Variants in DPYD observed in about 807,000 individuals in gnomAD.
DPYD encodes the protein dihydropyrimidine dehydrogenase.
A neutral mutation model predicts 116.2 loss-of-function variants in DPYD; 109 were observed. That is an observed-to-expected ratio of 0.94 (90% confidence interval 0.80 to 1.10). The LOEUF is 1.10. Ranked by LOEUF, DPYD falls within the 50% of genes least tolerant of loss-of-function variation. The pLI, the probability that DPYD is intolerant of heterozygous loss-of-function variation, is 0.00. For synonymous variants in DPYD, 440 were observed against 432.0 expected, an observed-to-expected ratio of 1.02 and a Z score of -0.23; for missense variants, 1,302 against 1,254.5, an observed-to-expected ratio of 1.04 and a Z score of -0.57.
intron 2 of DPYD, among the ~76,000 whole-genome samples, chr1:97,860,524 C>T (rs1312055590): frequency 6.6e-6 from 1 of 152,128 alleles, no homozygotes; most frequent in East Asian, 1.9e-4. Flanking sequence ...GAGAATTATG[C>T]ACAAAGTAAA....
At chr1:97,671,705 AATT>A (rs1437441039) in intron 8 of DPYD, among the ~76,000 whole-genome samples, 9 of 152,076 alleles carry the variant, frequency 5.9e-5, no homozygotes, top group Non-Finnish European at 1.3e-4. Flanking sequence ...AATGTGCTGA[AATT>A]ATGCAATTCA....
chr1:97,858,809 T>C (rs1400595448), intron 2 of DPYD, among the ~76,000 whole-genome samples: 1 of 152,192 alleles, frequency 6.6e-6, no homozygotes, highest in Non-Finnish European at 1.5e-5. Context: ...ACAATTTTAA[T>C]AGTAGTCATA....
chr1:97,078,700 A>G lies in DPYD; in HGVS notation c.*276T>C, dbSNP rs1648952425. On this transcript the variant is annotated 3_prime_UTR_variant, in exon 23 of 23. Transcript: ENST00000370192. ...TGCCACAAAAAAGTTAATTTTTCAC[A>G]TAAGACAACTGGCAGTGAACATCCA... 2.3e-6 allele frequency: 1 copy of G among 430,548 alleles called. No homozygotes were observed. The highest frequency in any genetic ancestry group is 2.2e-5 in the South Asian group (1 of 44,496). The allele number at this position is 430,548 out of a possible 1,614,324, so 26.7% of individuals were successfully genotyped here. A position where few individuals can be genotyped will look rare whatever the true frequency, so the allele number is the denominator to read the frequency against.
At chr1:97,611,412 C>T (rs763651730) in intron 8 of DPYD, among the ~76,000 whole-genome samples, 1 of 151,780 alleles carries the variant, frequency 6.6e-6, no homozygotes, top group Non-Finnish European at 1.5e-5. Context: ...GGTGATAAAC[C>T]GTATCAGTGA....
chr1:97,740,933 C>T (rs74105295), intron 3 of DPYD, among the ~76,000 whole-genome samples: 15,910 of 152,174 alleles, frequency 0.1, 927 homozygotes, highest in African/African-American at 0.14. Context: ...CTTCCTTCCT[C>T]CCAGCTTCCC....
intron 12 of DPYD, chr1:97,546,259 A>C: frequency 6.7e-7 from 1 of 1,489,968 alleles, no homozygotes. Flanking sequence ...GCTAAATCAA[A>C]AAAAAAGAAA....
chr1:97,848,842 A>G (rs1179453006), intron 2 of DPYD, among the ~76,000 whole-genome samples: 2 of 152,216 alleles, frequency 1.3e-5, no homozygotes, highest in East Asian at 3.8e-4. Flanking sequence ...TGTGTATTAT[A>G]AGGAGATTAG....
chr1:97,566,216 C>T (rs184138241), intron 11 of DPYD, among the ~76,000 whole-genome samples: 7 of 152,106 alleles, frequency 4.6e-5, no homozygotes, highest in Admixed American at 1.3e-4. Context: ...TCTGAGCCTC[C>T]CCTGTTAAAA....
At chr1:97,490,705 G>A (rs1389595728) in intron 13 of DPYD, among the ~76,000 whole-genome samples, 2 of 151,128 alleles carry the variant, frequency 1.3e-5, no homozygotes, top group Non-Finnish European at 3.0e-5. Flanking sequence ...TAACATGAGT[G>A]GACAAGTCTA....
chr1:97,252,333 C>G (rs1162682310), intron 18 of DPYD, among the ~76,000 whole-genome samples: 1 of 152,166 alleles, frequency 6.6e-6, no homozygotes, highest in African/African-American at 2.4e-5. Flanking sequence ...GAAGAGGAGA[C>G]AGCCTATTGT....
chr1:97,196,915 G>A (rs1570648635), intron 19 of DPYD, among the ~76,000 whole-genome samples: 1 of 152,108 alleles, frequency 6.6e-6, no homozygotes, highest in Non-Finnish European at 1.5e-5. Context: ...CTGAAATATA[G>A]CTCTGGTTTT....
intron 3 of DPYD, among the ~76,000 whole-genome samples, chr1:97,798,247 T>C (rs1225006895): frequency 2.0e-5 from 3 of 152,084 alleles, no homozygotes; most frequent in Admixed American, 2.0e-4. Flanking sequence ...TCCTAATTCA[T>C]ATGTCTGGAT....
intron 20 of DPYD, among the ~76,000 whole-genome samples, chr1:97,120,863 GT>G (rs1652374072): frequency 6.6e-6 from 1 of 152,192 alleles, no homozygotes; most frequent in African/African-American, 2.4e-5. Context: ...TGCTAAAGAT[GT>G]TTGTGAAACT....
intron 5 of DPYD, among the ~76,000 whole-genome samples, chr1:97,706,702 T>C (rs1661976410): frequency 6.6e-6 from 1 of 152,134 alleles, no homozygotes; most frequent in Non-Finnish European, 1.5e-5. Flanking sequence ...ATAGCTCCTC[T>C]CTTTTTAATC....
chr1:97,392,243 G>A (rs1327444149), intron 14 of DPYD, among the ~76,000 whole-genome samples: 1 of 152,042 alleles, frequency 6.6e-6, no homozygotes, highest in East Asian at 1.9e-4. Flanking sequence ...TGAGCCTTTG[G>A]TGAATCATAA....
At position 97,569,664 on chromosome 1, in the gene DPYD, CT is replaced by C. The variant is rs952693503; in HGVS notation, c.1339+4095del. Reference sequence around the variant, plus strand: ...ACATTCTTAGAGGGAATAGAGGAGACTTTTTAAAAGTAGAACCATTTTGAGT... The same window carrying C: ...ACATTCTTAGAGGGAATAGAGGAGACTTTTAAAAGTAGAACCATTTTGAGT... On this transcript the variant is annotated intron_variant, in intron 11 of 22. Coordinates refer to ENST00000370192, the MANE Select transcript of DPYD (RefSeq NM_000110.4). 1.1e-4 allele frequency among the ~76,000 whole-genome samples: 17 copies of C among 151,552 alleles called. 1 individual carries two copies. Among genetic ancestry groups the C allele is most frequent in the Non-Finnish European group, 1.5e-4 (10 of 67,826 alleles).
At chr1:97,782,658 C>A (rs1404769979) in intron 3 of DPYD, among the ~76,000 whole-genome samples, 1 of 152,106 alleles carries the variant, frequency 6.6e-6, no homozygotes, top group Non-Finnish European at 1.5e-5. Context: ...AAAGGCAAGA[C>A]CAGTGAATGA....
chr1:97,557,157 T>C (rs1266277846), intron 11 of DPYD, among the ~76,000 whole-genome samples: 2 of 151,812 alleles, frequency 1.3e-5, no homozygotes, highest in East Asian at 3.8e-4. Context: ...ATGTCTTCTT[T>C]TGAGAAGTGT....
intron 14 of DPYD, among the ~76,000 whole-genome samples, chr1:97,407,014 T>C (rs979578283): frequency 3.3e-5 from 5 of 152,176 alleles, no homozygotes; most frequent in African/African-American, 1.2e-4. Context: ...CAATGGCACA[T>C]AAAGAGCTTG....
Sources: allele counts gnomAD v4.1 joint callset (sites outside exome capture counted in the v4.1 genomes callset), GRCh38; gene constraint gnomAD v4.1.1; transcripts MANE v1.5; gene names NCBI Gene and HGNC (gene_info 2026-07-23, HGNC 2026-07-21).